Variants in KRTAP9-1 observed in about 807,000 individuals in gnomAD.
KRTAP9-1 encodes the protein keratin-associated protein 9-1.
A neutral mutation model predicts 18.4 loss-of-function variants in KRTAP9-1; 13 were observed. That is an observed-to-expected ratio of 0.71 (90% CI 0.46 to 1.12). KRTAP9-1 has a LOEUF of 1.12. Among genes scored for constraint, KRTAP9-1 ranks in the 50% most tolerant of loss-of-function variants. The probability of loss-of-function intolerance (pLI) is 0.00; values close to 1 mark genes in which losing one functional copy is unlikely to be tolerated. For missense variants in KRTAP9-1, 310 were observed against 310.6 expected (o/e 1.00, Z 0.01); for synonymous variants, 122 against 108.8 (o/e 1.12, Z -0.75).
At position 41,190,327 on chromosome 17, in the gene KRTAP9-1, C is replaced by T; in HGVS notation, c.441C>T (p.Thr147=). The change falls in exon 1 of 1, where the codon ACC becomes ACT. Residue 147 remains threonine (T), a synonymous_variant. Coordinates refer to ENST00000398470, the MANE Select transcript of KRTAP9-1 (RefSeq NM_001190460.1). ...TCCQPTCCRN[T]SCQPTCCGSS... The stretch of plus-strand genomic sequence containing the variant: ...GCCAGCCCACCTGCTGCAGGAACAC[C>T]TCTTGCCAGCCCACCTGCTGTGGGT... 1 of 1,413,858 alleles carries T rather than the reference C, an allele frequency of 7.1e-7. No individual in the cohort carries two copies. The highest frequency in any genetic ancestry group is 9.5e-7 in the Non-Finnish European group (1 of 1,050,496). The allele number at this position is 1,413,858 out of a possible 1,614,324, so 87.6% of individuals were successfully genotyped here.
Position 41,190,394 on chromosome 17 carries a change from A to G in KRTAP9-1, c.508A>G (p.Thr170Ala). The G allele has an allele frequency of 2.2e-6, 1 of 454,848 alleles. No homozygotes were observed. Among genetic ancestry groups the G allele is most frequent in the Non-Finnish European group, 3.3e-6 (1 of 305,278 alleles). 28.2% of individuals were successfully genotyped at this position (454,848 alleles called of 1,614,324 possible). Residue 170 changes from threonine (T) to alanine (A), a missense_variant, in exon 1 of 1, where the codon ACC becomes GCC. Coordinates refer to ENST00000398470, the MANE Select transcript of KRTAP9-1 (RefSeq NM_001190460.1). ...TTGCTGCCACCCAACATGCTGTCAAACCATTTGTAGATCCACCTGCTGCCA... is the reference window on the plus strand; with the variant it reads ...TTGCTGCCACCCAACATGCTGTCAAGCCATTTGTAGATCCACCTGCTGCCA... Reference protein sequence around the residue: ...QPCCHPTCCQTICRSTCCQPS... With the variant: ...QPCCHPTCCQAICRSTCCQPS...
rs746620162 is a variant in KRTAP9-1, at chr17:41,189,997, T to C, written c.111T>C (p.Cys37=). 8.3e-5 allele frequency: 134 copies of C among 1,613,180 alleles called. No homozygotes were observed. Among genetic ancestry groups the C allele is most frequent in the Non-Finnish European group, 4.6e-5 (54 of 1,179,908 alleles). ...TTVTTCSSTP[C]CQPSCCVPSC... is the part of the protein sequence containing the mutation. ...TGACCACCTGCAGCAGCACACCCTG[T>C]TGCCAGCCCTCCTGCTGTGTGCCCA... Residue 37 remains cysteine, a synonymous_variant, in exon 1 of 1, where the codon TGT becomes TGC. Transcript: ENST00000398470.
At position 41,190,138 on chromosome 17, in the gene KRTAP9-1, C is replaced by G. The variant is rs2015331186; in HGVS notation, c.252C>G (p.Pro84=). ...GCCAGCCTTCCTGCTGCAGCACACC[C>G]TGCTGCCAGCCCACCTGCTGTGGGT... ...SCCQPSCCST[P]CCQPTCCGSS... is the part of the protein sequence containing the mutation. The change falls in exon 1 of 1, where the codon CCC becomes CCG. Residue 84 remains proline, a synonymous_variant. Transcript: ENST00000398470. The G allele has an allele frequency of 6.3e-7, 1 of 1,590,186 alleles. No individual in the cohort carries two copies. The highest frequency in any genetic ancestry group is 1.4e-5 in the African/African-American group (1 of 73,980).
In KRTAP9-1 at chr17:41,190,255, C is replaced by T; in HGVS notation, c.369C>T (p.Cys123=). Residue 123 remains cysteine (C), a synonymous_variant, in exon 1 of 1, where the codon TGC becomes TGT. Transcript: ENST00000398470. ...SCCQPCCHPT[C]YQTICFRTTC... is the part of the protein sequence containing the mutation. ...GTCAGCCTTGCTGTCACCCGACTTG[C>T]TATCAAACTATCTGCTTCAGGACCA... The T allele has an allele frequency of 1.4e-6, 2 of 1,395,982 alleles. No individual in the cohort carries two copies. The highest frequency in any genetic ancestry group is 1.9e-6 in the Non-Finnish European group (2 of 1,045,068). The allele number at this position is 1,395,982 out of a possible 1,614,324, so 86.5% of individuals were successfully genotyped here.
At position 41,190,074 on chromosome 17, in the gene KRTAP9-1, G is replaced by A. The variant is rs750661718; in HGVS notation, c.188G>A (p.Arg63Lys). 1.2e-6 allele frequency: 2 copies of A among 1,612,642 alleles called. No homozygotes were observed. Among genetic ancestry groups the A allele is most frequent in the Non-Finnish European group, 8.5e-7 (1 of 1,179,520 alleles). Residue 63 changes from arginine (R) to lysine (K), a missense_variant, in exon 1 of 1, where the codon AGG becomes AAG. Around this residue, in one of 3 missense-constraint regions of KRTAP9-1, gnomAD observed 178 missense variants for 190.2 expected, o/e 0.94. Transcript: ENST00000398470. ...HPTCCQNTCC[R>K]TTCCQPTCVA... ...ACTTGCTGTCAAAACACCTGCTGCAGGACCACCTGCTGCCAGCCCACTTGT... is the reference window on the plus strand; with the variant it reads ...ACTTGCTGTCAAAACACCTGCTGCAAGACCACCTGCTGCCAGCCCACTTGT...
chr17:41,190,163 T>G lies in KRTAP9-1; in HGVS notation c.277T>G (p.Ser93Ala). ...CTGCTGCCAGCCCACCTGCTGTGGG[T>G]CCAGCTGCTGTGGCCAAACCAGCTG... ...TPCCQPTCCGSSCCGQTSCGS... is the reference protein window; with the variant it reads ...TPCCQPTCCGASCCGQTSCGS... The change falls in exon 1 of 1, where the codon TCC becomes GCC. Residue 93 changes from serine to alanine, a missense_variant. By Grantham distance (99) the Ser-to-Ala change is moderately conservative (BLOSUM62 1). Coordinates refer to ENST00000398470, the MANE Select transcript of KRTAP9-1 (RefSeq NM_001190460.1). The G allele has an allele frequency of 6.4e-7, 1 of 1,552,706 alleles. No homozygotes were observed. Among genetic ancestry groups the G allele is most frequent in the Non-Finnish European group, 8.7e-7 (1 of 1,149,204 alleles).
rs2015343497 is a variant in KRTAP9-1 at position 41,190,551 on chromosome 17, C to A, written c.665C>A (p.Thr222Asn). The A allele has an allele frequency of 5.6e-6, 9 of 1,611,164 alleles. No homozygotes were observed. Among genetic ancestry groups the A allele is most frequent in the Non-Finnish European group, 6.8e-6 (8 of 1,178,650 alleles). ...TGCTGCCGTCCCACCTGCTGCCAGACCACCTGCTACAGGACCACCTGTTGC... is the reference window on the plus strand; with the variant it reads ...TGCTGCCGTCCCACCTGCTGCCAGAACACCTGCTACAGGACCACCTGTTGC... Reference protein sequence around the residue: ...LPCCRPTCCQTTCYRTTCCRP... With the variant: ...LPCCRPTCCQNTCYRTTCCRP... Residue 222 changes from threonine to asparagine, a missense_variant, in exon 1 of 1, where the codon ACC becomes AAC. This residue lies in a region of KRTAP9-1 where 130 missense variants were observed against 103.4 expected (regional missense o/e 1.26). Transcript: ENST00000398470.
Position 41,190,413 on chromosome 17 carries a change from G to A in KRTAP9-1, c.527G>A (p.Cys176Tyr), listed in dbSNP as rs754791492. Residue 176 changes from cysteine to tyrosine, a missense_variant, in exon 1 of 1, where the codon TGC (cysteine) becomes TAC (tyrosine). By Grantham distance (194) the Cys-to-Tyr change is radical. This residue lies in a region of KRTAP9-1 where 130 missense variants were observed against 103.4 expected (regional missense o/e 1.26). Transcript: ENST00000398470. ...TCCQTICRST[C>Y]CQPSCVTRCC... is the part of the protein sequence containing the mutation. ...TGTCAAACCATTTGTAGATCCACCTGCTGCCAACCATCCTGTGTGACCAGA... is the reference window on the plus strand; with the variant it reads ...TGTCAAACCATTTGTAGATCCACCTACTGCCAACCATCCTGTGTGACCAGA... 1.3e-5 allele frequency: 20 copies of A among 1,589,548 alleles called. No homozygotes were observed. The African/African-American group carries it at 1.5e-4, about 12-fold the overall frequency.
chr17:41,190,096 T>C lies in KRTAP9-1; in HGVS notation c.210T>C (p.Thr70=), dbSNP rs753180846. The change falls in exon 1 of 1, where the codon ACT becomes ACC. Residue 70 remains threonine (T), a synonymous_variant. Coordinates refer to ENST00000398470, the MANE Select transcript of KRTAP9-1 (RefSeq NM_001190460.1). ...TCCRTTCCQP[T]CVASCCQPSC... ...GCAGGACCACCTGCTGCCAGCCCACTTGTGTGGCCAGCTGCTGCCAGCCTT... is the reference window on the plus strand; with the variant it reads ...GCAGGACCACCTGCTGCCAGCCCACCTGTGTGGCCAGCTGCTGCCAGCCTT... The C allele has an allele frequency of 2.5e-5, 40 of 1,598,340 alleles. No individual in the cohort carries two copies. Among genetic ancestry groups the C allele is most frequent in the Non-Finnish European group, 2.9e-5 (34 of 1,173,470 alleles).
At chr17:41,190,244 C>CAA (rs750248222) in intron 2 of KRTAP9-1, 5 of 1,231,412 alleles carry the variant, frequency 4.1e-6, no homozygotes, top group Non-Finnish European at 5.2e-6. Flanking sequence ...GCCTTGCTGT[C>CAA]ACCCGACTTG....
In KRTAP9-1 at chr17:41,190,091, C is replaced by A; in HGVS notation, c.205C>A (p.Pro69Thr). The A allele has an allele frequency of 9.9e-6, 16 of 1,613,236 alleles. No individual in the cohort carries two copies. The highest frequency in any genetic ancestry group is 1.4e-5 in the Non-Finnish European group (16 of 1,179,710). ...CTGCTGCAGGACCACCTGCTGCCAGCCCACTTGTGTGGCCAGCTGCTGCCA... is the reference window on the plus strand; with the variant it reads ...CTGCTGCAGGACCACCTGCTGCCAGACCACTTGTGTGGCCAGCTGCTGCCA... Reference protein sequence around the residue: ...NTCCRTTCCQPTCVASCCQPS... With the variant: ...NTCCRTTCCQTTCVASCCQPS... Residue 69 changes from proline (P) to threonine (T), a missense_variant, in exon 1 of 1, where the codon CCC (proline) becomes ACC (threonine). Pro to Thr is a conservative substitution (Grantham distance 38, BLOSUM62 -1). This residue lies in a region of KRTAP9-1 where 178 missense variants were observed against 190.2 expected (regional missense o/e 0.94). Coordinates refer to ENST00000398470, the MANE Select transcript of KRTAP9-1 (RefSeq NM_001190460.1).
Position 41,190,509 on chromosome 17 carries a change from C to T in KRTAP9-1, c.623C>T (p.Ser208Phe), listed in dbSNP as rs1367845492. 6.2e-7 allele frequency: 1 copy of T among 1,607,184 alleles called. No homozygotes were observed. The highest frequency in any genetic ancestry group is 1.1e-5 in the South Asian group (1 of 90,314). ...TGCTGTAGCCAAACCTGCAATGAGT[C>T]CAGCTATTGTCTGCCTTGCTGCCGT... ...SSCCSQTCNESSYCLPCCRPT... is the reference protein window; with the variant it reads ...SSCCSQTCNEFSYCLPCCRPT... Residue 208 changes from serine (S) to phenylalanine (F), a missense_variant, in exon 1 of 1, where the codon TCC (serine) becomes TTC (phenylalanine). Ser to Phe is a radical substitution (Grantham distance 155). Transcript: ENST00000398470.
Position 41,190,409 on chromosome 17 carries a change from A to T in KRTAP9-1, c.523A>T (p.Thr175Ser). 1 of 1,589,584 alleles carries T rather than the reference A, an allele frequency of 6.3e-7. No individual in the cohort carries two copies. Reference sequence around the variant, plus strand: ...ATGCTGTCAAACCATTTGTAGATCCACCTGCTGCCAACCATCCTGTGTGAC... The same window carrying T: ...ATGCTGTCAAACCATTTGTAGATCCTCCTGCTGCCAACCATCCTGTGTGAC... ...PTCCQTICRS[T>S]CCQPSCVTRC... is the part of the protein sequence containing the mutation. Residue 175 changes from threonine to serine, a missense_variant, in exon 1 of 1, where the codon ACC becomes TCC. Transcript: ENST00000398470.
rs1267804928 is a variant in KRTAP9-1, at chr17:41,190,140, G to A, written c.254G>A (p.Cys85Tyr). ...CCQPSCCSTP[C>Y]CQPTCCGSSC... Reference sequence around the variant, plus strand: ...CAGCCTTCCTGCTGCAGCACACCCTGCTGCCAGCCCACCTGCTGTGGGTCC... The same window carrying A: ...CAGCCTTCCTGCTGCAGCACACCCTACTGCCAGCCCACCTGCTGTGGGTCC... The change falls in exon 1 of 1, where the codon TGC becomes TAC. Residue 85 changes from cysteine (C) to tyrosine (Y), a missense_variant. By Grantham distance (194) the Cys-to-Tyr change is radical. Around this residue, in one of 3 missense-constraint regions of KRTAP9-1, gnomAD observed 178 missense variants for 190.2 expected, o/e 0.94. Transcript: ENST00000398470. 1 of 1,547,608 alleles carries A rather than the reference G, an allele frequency of 6.5e-7. No homozygotes were observed. Among genetic ancestry groups the A allele is most frequent in the Non-Finnish European group, 8.7e-7 (1 of 1,149,366 alleles).
Position 41,190,551 on chromosome 17 carries a change from C to T in KRTAP9-1, c.665C>T (p.Thr222Ile). The T allele has an allele frequency of 1.2e-6, 2 of 1,611,164 alleles. No individual in the cohort carries two copies. Among genetic ancestry groups the T allele is most frequent in the Non-Finnish European group, 1.7e-6 (2 of 1,178,650 alleles). ...TGCTGCCGTCCCACCTGCTGCCAGA[C>T]CACCTGCTACAGGACCACCTGTTGC... ...LPCCRPTCCQ[T>I]TCYRTTCCRP... is the part of the protein sequence containing the mutation. Residue 222 changes from threonine (T) to isoleucine (I), a missense_variant, in exon 1 of 1, where the codon ACC (threonine) becomes ATC (isoleucine). Transcript: ENST00000398470.
At position 41,190,116 on chromosome 17, in the gene KRTAP9-1, A is replaced by G; in HGVS notation, c.230A>G (p.Gln77Arg). 1 of 1,601,526 alleles carries G rather than the reference A, an allele frequency of 6.2e-7. No individual in the cohort carries two copies. The highest frequency in any genetic ancestry group is 8.5e-7 in the Non-Finnish European group (1 of 1,174,604). ...CCCACTTGTGTGGCCAGCTGCTGCC[A>G]GCCTTCCTGCTGCAGCACACCCTGC... ...CQPTCVASCCQPSCCSTPCCQ... is the reference protein window; with the variant it reads ...CQPTCVASCCRPSCCSTPCCQ... The change falls in exon 1 of 1, where the codon CAG becomes CGG. Residue 77 changes from glutamine (Q) to arginine (R), a missense_variant. By Grantham distance (43) the Gln-to-Arg change is conservative. Coordinates refer to ENST00000398470, the MANE Select transcript of KRTAP9-1 (RefSeq NM_001190460.1).
In KRTAP9-1 at chr17:41,189,950, A is replaced by T; in HGVS notation, c.64A>T (p.Thr22Ser). Residue 22 changes from threonine (T) to serine (S), a missense_variant, in exon 1 of 1, where the codon ACC (threonine) becomes TCC (serine). By Grantham distance (58) the Thr-to-Ser change is moderately conservative. This residue lies in a region of KRTAP9-1 where 178 missense variants were observed against 190.2 expected (regional missense o/e 0.94). Transcript: ENST00000398470. ...CTGCAGGACCACCTGCTGCAGGACA[A>T]CCTGCTGGAAGCCCACCACTGTGAC... Reference protein sequence around the residue: ...TCCRTTCCRTTCWKPTTVTTC... With the variant: ...TCCRTTCCRTSCWKPTTVTTC... 1 of 1,612,804 alleles carries T rather than the reference A, an allele frequency of 6.2e-7. No individual in the cohort carries two copies. Among genetic ancestry groups the T allele is most frequent in the South Asian group, 1.1e-5 (1 of 91,026 alleles).
Position 41,190,603 on chromosome 17 carries a change from C to T in KRTAP9-1, c.717C>T (p.Cys239=). ...GCCCCAGCTGTTGCTGCAGTCCTTGCTGTGTCTCCAGCTGCTGCCAGCCTT... is the reference window on the plus strand; with the variant it reads ...GCCCCAGCTGTTGCTGCAGTCCTTGTTGTGTCTCCAGCTGCTGCCAGCCTT... ...CCRPSCCCSP[C]CVSSCCQPSC... is the part of the protein sequence containing the mutation. Residue 239 remains cysteine (C), a synonymous_variant, in exon 1 of 1, where the codon TGC becomes TGT. Coordinates refer to ENST00000398470, the MANE Select transcript of KRTAP9-1 (RefSeq NM_001190460.1). The T allele has an allele frequency of 1.2e-6, 2 of 1,603,920 alleles. No homozygotes were observed. Among genetic ancestry groups the T allele is most frequent in the South Asian group, 1.1e-5 (1 of 89,826 alleles).
chr17:41,190,532 C>A lies in KRTAP9-1; in HGVS notation c.646C>A (p.Arg216Ser). ...NESSYCLPCC[R>S]PTCCQTTCYR... ...GTCCAGCTATTGTCTGCCTTGCTGCCGTCCCACCTGCTGCCAGACCACCTG... is the reference window on the plus strand; with the variant it reads ...GTCCAGCTATTGTCTGCCTTGCTGCAGTCCCACCTGCTGCCAGACCACCTG... The change falls in exon 1 of 1, where the codon CGT becomes AGT. Residue 216 changes from arginine (R) to serine (S), a missense_variant. Transcript: ENST00000398470. 1 of 1,609,564 alleles carries A rather than the reference C, an allele frequency of 6.2e-7. No individual in the cohort carries two copies. The highest frequency in any genetic ancestry group is 1.1e-5 in the South Asian group (1 of 90,612).
Sources: gnomAD v4.1 joint callset for allele counts on GRCh38, gnomAD v4.1.1 for gene constraint, gnomAD v4.1.1 regional missense constraint, MANE v1.5 for transcripts, NCBI Gene and HGNC (gene_info 2026-07-23, HGNC 2026-07-21) for gene names.